Variants in ALCAM observed in about 807,000 individuals in gnomAD.
The protein encoded by ALCAM is activated leukocyte cell adhesion molecule, also known as CD166 antigen.
A neutral mutation model predicts 70.9 loss-of-function variants in ALCAM; 30 were observed. The observed-to-expected ratio is 0.42, with a 90% CI of 0.32 to 0.57. The LOEUF (loss-of-function observed/expected upper bound fraction) is 0.57, where lower values mean the gene tolerates loss of function less well. Ranked by LOEUF, ALCAM falls within the 20% of genes least tolerant of loss-of-function variation. The probability of loss-of-function intolerance (pLI) is 0.11; values close to 1 mark genes in which losing one functional copy is unlikely to be tolerated. For missense variants in ALCAM, 591 were observed against 695.1 expected, an observed-to-expected ratio of 0.85 and a Z score of 1.68; for synonymous variants, 249 against 242.5, an observed-to-expected ratio of 1.03 and a Z score of -0.25.
chr3:105,533,347 T>C (rs1337754186), intron 4 of ALCAM, among the ~76,000 whole-genome samples: 2 of 152,208 alleles, frequency 1.3e-5, no homozygotes, highest in African/African-American at 2.4e-5. Flanking sequence ...CAAATGAATG[T>C]GATTTTATAA....
At chr3:105,455,789 C>T (rs1159321229) in intron 1 of ALCAM, among the ~76,000 whole-genome samples, 3 of 152,200 alleles carry the variant, frequency 2.0e-5, no homozygotes, top group Non-Finnish European at 4.4e-5. Flanking sequence ...ACCTAAATCA[C>T]CCCTTGATCT....
At chr3:105,500,321 T>TAG (rs1938886453) in intron 1 of ALCAM, among the ~76,000 whole-genome samples, 1 of 152,114 alleles carries the variant, frequency 6.6e-6, no homozygotes, top group South Asian at 2.1e-4. Flanking sequence ...ACTCACCATC[T>TAG]CTTCTTTTTT....
Position 105,543,529 on chromosome 3 carries a change from T to A in ALCAM, c.992-1694T>A, listed in dbSNP as rs1346339360. On this transcript the variant is annotated intron_variant, in intron 8 of 15. Coordinates refer to ENST00000306107, the MANE Select transcript of ALCAM (RefSeq NM_001627.4). ...TTATTTTCCAAAAACAAGATTTGTT[T>A]CCTTTTCAAACATGTCTAAAGGAAG... Among the ~76,000 whole-genome samples, 3 of 151,254 alleles carry A rather than the reference T, an allele frequency of 2.0e-5. No individual in the cohort carries two copies. The East Asian group carries it at 5.9e-4, about 30-fold the overall frequency.
At chr3:105,457,955 T>G (rs528870193) in intron 1 of ALCAM, among the ~76,000 whole-genome samples, 44 of 152,262 alleles carry the variant, frequency 2.9e-4, no homozygotes, top group Admixed American at 8.5e-4. Context: ...TCCTCCATAG[T>G]GTTGAAAGCT....
chr3:105,526,815 G>C (rs2152625201), intron 3 of ALCAM, among the ~76,000 whole-genome samples: 1 of 152,272 alleles, frequency 6.6e-6, no homozygotes, highest in Middle Eastern at 3.4e-3. Flanking sequence ...GTATATTGCA[G>C]TCACTTAAGA....
At chr3:105,492,277 A>G (rs954297750) in intron 1 of ALCAM, among the ~76,000 whole-genome samples, 5 of 152,234 alleles carry the variant, frequency 3.3e-5, no homozygotes, top group African/African-American at 1.2e-4. Context: ...GGTCCCTCCC[A>G]TAACACATGG....
chr3:105,399,262 C>G (rs1389881722), intron 1 of ALCAM, among the ~76,000 whole-genome samples: 1 of 152,030 alleles, frequency 6.6e-6, no homozygotes, highest in Non-Finnish European at 1.5e-5. Context: ...ATTTGCTGAC[C>G]TATTTTTTTT....
chr3:105,378,793 A>G (rs1014383873), intron 1 of ALCAM, among the ~76,000 whole-genome samples: 2 of 151,964 alleles, frequency 1.3e-5, no homozygotes, highest in South Asian at 4.1e-4. Context: ...AAAAGAGATT[A>G]TAAAATAGTA....
At chr3:105,458,012 T>C (rs1451356643) in intron 1 of ALCAM, among the ~76,000 whole-genome samples, 1 of 152,024 alleles carries the variant, frequency 6.6e-6, no homozygotes, top group Non-Finnish European at 1.5e-5. Context: ...AACATGCTCA[T>C]TATAAATCTA....
At chr3:105,526,916 G>A (rs950370057) in intron 3 of ALCAM, among the ~76,000 whole-genome samples, 21 of 152,230 alleles carry the variant, frequency 1.4e-4, no homozygotes, top group African/African-American at 5.1e-4. Context: ...TGTGGTTAAT[G>A]GGAGCCAGTC....
chr3:105,530,261 C>T (rs750709479), intron 3 of ALCAM, among the ~76,000 whole-genome samples: 2 of 151,950 alleles, frequency 1.3e-5, no homozygotes, highest in East Asian at 1.9e-4. Flanking sequence ...CTTTTTAAAA[C>T]GTGGATTCCA....
chr3:105,409,671 A>G (rs1023310713), intron 1 of ALCAM, among the ~76,000 whole-genome samples: 1 of 152,044 alleles, frequency 6.6e-6, no homozygotes, highest in African/African-American at 2.4e-5. Flanking sequence ...TACTCATGTA[A>G]CCAAACACCA....
At chr3:105,375,715 T>A (rs930348305) in intron 1 of ALCAM, among the ~76,000 whole-genome samples, 2 of 152,160 alleles carry the variant, frequency 1.3e-5, no homozygotes, top group Admixed American at 1.3e-4. Flanking sequence ...CCCATTCTGT[T>A]CTTCTATGAG....
chr3:105,521,145 C>CA (rs1939528190), intron 2 of ALCAM, among the ~76,000 whole-genome samples: 1 of 149,742 alleles, frequency 6.7e-6, no homozygotes, highest in African/African-American at 2.5e-5. Flanking sequence ...ACTAAAAATA[C>CA]AAAAAATTAG....
intron 2 of ALCAM, among the ~76,000 whole-genome samples, chr3:105,523,926 A>G (rs1379475749): frequency 2.6e-5 from 4 of 152,342 alleles, no homozygotes; most frequent in Admixed American, 6.5e-5. Flanking sequence ...GCTCAAGTGT[A>G]TACCTGCCGT....
At chr3:105,376,007 A>G (rs1251763358) in intron 1 of ALCAM, among the ~76,000 whole-genome samples, 1 of 152,134 alleles carries the variant, frequency 6.6e-6, no homozygotes, top group Non-Finnish European at 1.5e-5. Context: ...GTTGAATAAG[A>G]ATACTTTCAC....
At chr3:105,554,972 CAAAT>C (rs1940485301) in intron 14 of ALCAM, among the ~76,000 whole-genome samples, 1 of 151,892 alleles carries the variant, frequency 6.6e-6, no homozygotes, top group South Asian at 2.1e-4. Flanking sequence ...ACATTAGGGT[CAAAT>C]AAATGTTAAA....
intron 1 of ALCAM, among the ~76,000 whole-genome samples, chr3:105,428,067 C>G (rs960662654): frequency 8.6e-5 from 13 of 151,856 alleles, no homozygotes; most frequent in African/African-American, 3.1e-4. Context: ...CACGAAATAT[C>G]TGAACTAAAT....
At chr3:105,565,055 G>A (rs1207297097) in intron 14 of ALCAM, among the ~76,000 whole-genome samples, 1 of 151,908 alleles carries the variant, frequency 6.6e-6, no homozygotes, top group East Asian at 1.9e-4. Flanking sequence ...AGAGGCTAAG[G>A]TGGGATGATC....
Sources: gnomAD v4.1 joint callset for allele counts (sites outside exome capture counted in the v4.1 genomes callset) on GRCh38, gnomAD v4.1.1 for gene constraint, MANE v1.5 for transcripts, NCBI Gene and HGNC (gene_info 2026-07-23, HGNC 2026-07-21) for gene names.